CACNA1C: variants seen among roughly 807,000 people sequenced by gnomAD.
CACNA1C encodes voltage-dependent L-type calcium channel subunit alpha-1C.
In CACNA1C, 30 loss-of-function variants were observed where a neutral mutation model predicts 229.0. That is an observed-to-expected ratio of 0.13 (90% CI 0.10 to 0.18). The LOEUF is 0.18. CACNA1C is among the 10% of genes least tolerant of loss of function. CACNA1C has a pLI of 1.00. For missense variants in CACNA1C, 1,658 were observed against 2,845.0 expected (o/e 0.58, Z 9.49); for synonymous variants, 1,114 against 1,132.5 (o/e 0.98, Z 0.33).
At chr12:2,446,537 T>G (rs1596474619) in intron 3 of CACNA1C, among the ~76,000 whole-genome samples, 1 of 141,394 alleles carries the variant, frequency 7.1e-6, no homozygotes, top group South Asian at 2.3e-4. Flanking sequence ...GGTGAATGGG[T>G]AGATGAATGG....
chr12:2,144,850 G>A (rs1329158954), intron 3 of CACNA1C, among the ~76,000 whole-genome samples: 1 of 151,286 alleles, frequency 6.6e-6, no homozygotes, highest in Non-Finnish European at 1.5e-5. Context: ...ATAAAAGAGT[G>A]AGGAGGACCT....
At chr12:2,030,057 C>T (rs1401626988) in intron 1 of CACNA1C, among the ~76,000 whole-genome samples, 4 of 152,186 alleles carry the variant, frequency 2.6e-5, no homozygotes, top group Non-Finnish European at 1.5e-5. Context: ...GACAGGGGAA[C>T]CACACTGATA....
intron 3 of CACNA1C, among the ~76,000 whole-genome samples, chr12:2,244,932 C>T (rs2072384891): frequency 6.6e-6 from 1 of 152,196 alleles, no homozygotes; most frequent in Admixed American, 6.5e-5. Context: ...CCAGACCCAT[C>T]GAAGCCAAGG....
intron 1 of CACNA1C, among the ~76,000 whole-genome samples, chr12:2,015,079 C>G (rs914847475): frequency 3.3e-5 from 5 of 152,170 alleles, no homozygotes; most frequent in Non-Finnish European, 7.3e-5. Flanking sequence ...GGATCTTCTG[C>G]TTCTCCAAAC....
intron 7 of CACNA1C, among the ~76,000 whole-genome samples, chr12:2,495,267 G>A (rs1364765838): frequency 6.6e-6 from 1 of 152,206 alleles, no homozygotes; most frequent in Non-Finnish European, 1.5e-5. Context: ...TCTTCCTGGG[G>A]TGGGTCCCTC....
At chr12:2,345,182 C>T (rs1427723239) in intron 3 of CACNA1C, among the ~76,000 whole-genome samples, 3 of 151,718 alleles carry the variant, frequency 2.0e-5, no homozygotes, top group African/African-American at 4.9e-5. Context: ...GGGCATACCT[C>T]AGGAGCTTGC....
In CACNA1C at chr12:1,971,942, T is replaced by C. The variant is rs1464077421; in HGVS notation, c.139+741T>C. On this transcript the variant is annotated intron_variant, in intron 1 of 46. Coordinates refer to the CACNA1C transcript ENST00000682462. This position sits in a 1 kb window ranked among gnomAD's most constrained non-coding sequence, Gnocchi z 4.2. ...ATGTGATAATGTTTGTGTAAATTTT[T>C]AAAAGAAGATATATATCCATTCAAT... Among the ~76,000 whole-genome samples, 3 of 152,258 alleles carry C rather than the reference T, an allele frequency of 2.0e-5. No homozygotes were observed. The highest frequency in any genetic ancestry group is 7.2e-5 in the African/African-American group (3 of 41,468).
intron 1 of CACNA1C, among the ~76,000 whole-genome samples, chr12:2,097,987 G>A (rs752020043): frequency 1.3e-5 from 2 of 152,196 alleles, no homozygotes; most frequent in Non-Finnish European, 2.9e-5. Flanking sequence ...GACCTCGTAC[G>A]GTATCTGGTG....
chr12:2,057,437 G>T (rs974354175), intron 1 of CACNA1C, among the ~76,000 whole-genome samples: 2 of 152,246 alleles, frequency 1.3e-5, no homozygotes, highest in Non-Finnish European at 2.9e-5. Context: ...TTCAGGGTCC[G>T]CCTGGTGATG....
At chr12:2,412,741 G>A (rs1050850318) in intron 3 of CACNA1C, among the ~76,000 whole-genome samples, 2 of 152,196 alleles carry the variant, frequency 1.3e-5, no homozygotes, top group Non-Finnish European at 2.9e-5. Flanking sequence ...GATTTGCTGA[G>A]TTTTCAAACT....
intron 9 of CACNA1C, among the ~76,000 whole-genome samples, chr12:2,523,051 G>A (rs1353210905): frequency 7.0e-6 from 1 of 143,576 alleles, no homozygotes; most frequent in Non-Finnish European, 1.5e-5. Context: ...GGAACAGCCT[G>A]TGAATTTTCC....
At chr12:2,160,205 G>A (rs553440171) in intron 3 of CACNA1C, among the ~76,000 whole-genome samples, 48 of 152,126 alleles carry the variant, frequency 3.2e-4, no homozygotes, top group Non-Finnish European at 6.2e-4. Flanking sequence ...TGTCAGAAGT[G>A]GTACGTTTTG....
At chr12:2,188,365 CTA>C (rs1555291535) in intron 3 of CACNA1C, among the ~76,000 whole-genome samples, 3 of 32,572 alleles carry the variant, frequency 9.2e-5, no homozygotes, top group Admixed American at 2.8e-4. Flanking sequence ...TGATAGATAA[CTA>C]TGGATCGAGA....
intron 1 of CACNA1C, among the ~76,000 whole-genome samples, chr12:1,982,529 G>A (rs942224362): frequency 2.0e-5 from 2 of 99,608 alleles, no homozygotes; most frequent in African/African-American, 9.4e-5. Flanking sequence ...GTTCATTCAC[G>A]TTGTACTATA....
At chr12:2,590,849 G>A (rs952635401) in intron 18 of CACNA1C, among the ~76,000 whole-genome samples, 3 of 152,090 alleles carry the variant, frequency 2.0e-5, no homozygotes, top group South Asian at 2.1e-4. Context: ...GGGTCATTTC[G>A]AGCAAAACTG....
chr12:2,542,138 T>C (rs1362231963), intron 9 of CACNA1C, among the ~76,000 whole-genome samples: 1 of 146,692 alleles, frequency 6.8e-6, no homozygotes, highest in Non-Finnish European at 1.5e-5. Context: ...CTTAGTGCCA[T>C]TTTTCTTTTT....
At chr12:2,567,409 A>C (rs912269934) in intron 12 of CACNA1C, among the ~76,000 whole-genome samples, 160 bp from the exon 13 acceptor site, 3 of 152,196 alleles carry the variant, frequency 2.0e-5, no homozygotes, top group African/African-American at 7.2e-5. Context: ...GCCCTTTCCC[A>C]TTGGCTTGGC....
At chr12:2,028,361 T>C (rs1201766442) in intron 1 of CACNA1C, among the ~76,000 whole-genome samples, 8 of 152,168 alleles carry the variant, frequency 5.3e-5, no homozygotes, top group South Asian at 2.1e-4. Context: ...GATTAAATCA[T>C]TGGAAAACTA....
intron 3 of CACNA1C, among the ~76,000 whole-genome samples, chr12:2,434,986 G>A (rs901916502): frequency 6.6e-6 from 1 of 152,216 alleles, no homozygotes; most frequent in Admixed American, 6.5e-5. Flanking sequence ...AGTCAACGTG[G>A]ATGTTAGGTC....
Sources: allele counts gnomAD v4.1 joint callset (sites outside exome capture counted in the v4.1 genomes callset), GRCh38; gene constraint gnomAD v4.1.1; non-coding constraint Gnocchi (gnomAD v3.1); transcripts MANE v1.5; gene names NCBI Gene and HGNC (gene_info 2026-07-23, HGNC 2026-07-21).